The following COL4A4 variants were observed in gnomAD, a reference collection of about 807,000 sequenced individuals.
COL4A4 encodes collagen type IV alpha 4 chain.
Under a neutral mutation model 192.9 loss-of-function variants are expected in COL4A4, and 105 were observed. That is an observed-to-expected ratio of 0.54 (90% confidence interval 0.46 to 0.64). The LOEUF (loss-of-function observed/expected upper bound fraction) is 0.64, where lower values mean the gene tolerates loss of function less well. Among genes scored for constraint, COL4A4 ranks in the 30% least tolerant of loss-of-function variants. The pLI, the probability that COL4A4 is intolerant of heterozygous loss-of-function variation, is 0.00. For missense variants in COL4A4, 1,967 were observed against 2,169.3 expected (o/e 0.91, Z 1.85); for synonymous variants, 762 against 769.9 (o/e 0.99, Z 0.17).
chr2:227,101,682 A>G, intron 16 of COL4A4, 125 bp from the exon 17 acceptor site: 1 of 1,095,798 alleles, frequency 9.1e-7, no homozygotes, highest in Middle Eastern at 2.0e-4. Context: ...ACTGTTCATC[A>G]GTTGCATCAG....
intron 37 of COL4A4, among the ~76,000 whole-genome samples, chr2:227,038,647 TA>T (rs1970191085): frequency 6.6e-6 from 1 of 152,214 alleles, no homozygotes. Context: ...AGCATATGTT[TA>T]AGTTAAAGTT....
intron 1 of COL4A4, among the ~76,000 whole-genome samples, chr2:227,163,391 C>T (rs955318556): frequency 1.3e-5 from 2 of 152,242 alleles, no homozygotes; most frequent in African/African-American, 4.8e-5. Flanking sequence ...CTATTTAATG[C>T]AATAATGATG....
intron 22 of COL4A4, among the ~76,000 whole-genome samples, chr2:227,082,507 ACTGGGGAAG>A (rs1476367136): frequency 6.6e-6 from 1 of 152,224 alleles, no homozygotes; most frequent in Non-Finnish European, 1.5e-5. Context: ...TGTATGTATC[ACTGGGGAAG>A]CTGGGGAAGC....
At chr2:227,075,754 C>T (rs775731555) in intron 25 of COL4A4, among the ~76,000 whole-genome samples, 2 of 152,066 alleles carry the variant, frequency 1.3e-5, no homozygotes, top group Non-Finnish European at 2.9e-5. Flanking sequence ...CGTCTCAGCC[C>T]AAAAACTCCT....
chr2:227,162,624 T>C (rs977315888), intron 1 of COL4A4, among the ~76,000 whole-genome samples: 5 of 152,222 alleles, frequency 3.3e-5, no homozygotes, highest in African/African-American at 1.2e-4. Flanking sequence ...ATGAAGAGTT[T>C]AATATATGTG....
At chr2:227,041,856 A>AAGAGAGAGAGAGAGAGAGAGAG (rs1237060194) in intron 37 of COL4A4, among the ~76,000 whole-genome samples, 2 of 96,976 alleles carry the variant, frequency 2.1e-5, no homozygotes, top group Admixed American at 1.9e-4. Context: ...AAGAGAAAGA[A>AAGAGAGAGAGAGAGAGAGAGAG]AGAAAGAAAG....
At chr2:227,126,660 AT>A (rs1470067991) in intron 4 of COL4A4, among the ~76,000 whole-genome samples, 1 of 152,202 alleles carries the variant, frequency 6.6e-6, no homozygotes, top group African/African-American at 2.4e-5. Context: ...TACATGATAA[AT>A]TTTTAAAGGA....
chr2:227,070,429 T>G (rs761473663), intron 25 of COL4A4, among the ~76,000 whole-genome samples: 11 of 152,076 alleles, frequency 7.2e-5, no homozygotes, highest in Admixed American at 2.0e-4. Context: ...CGTATGTTTA[T>G]TGCGGCATTA....
In COL4A4 at chr2:227,006,834, T is replaced by C. The variant is rs149466995; in HGVS notation, c.*491A>G. The C allele has an allele frequency of 2.6e-3, 411 of 160,034 alleles. 5 individuals are homozygous for C. Among genetic ancestry groups the C allele is most frequent in the African/African-American group, 8.9e-3 (370 of 41,552 alleles). The allele number at this position is 160,034 out of a possible 1,614,324, so 9.9% of individuals were successfully genotyped here. On this transcript the variant is annotated 3_prime_UTR_variant, in exon 48 of 48. Transcript: ENST00000396625. Reference sequence around the variant, plus strand: ...CCATTATTTAAAGTATATGGAAAAATAGATTACAGAGGAAATCATTTTGAA... The same window carrying C: ...CCATTATTTAAAGTATATGGAAAAACAGATTACAGAGGAAATCATTTTGAA...
At chr2:227,070,733 G>T (rs1251991267) in intron 25 of COL4A4, among the ~76,000 whole-genome samples, 16 of 131,070 alleles carry the variant, frequency 1.2e-4, no homozygotes, top group Non-Finnish European at 2.3e-4. Flanking sequence ...GTGGGGGGAG[G>T]GGGGAGGGGG....
chr2:227,154,760 T>A (rs983624130), intron 1 of COL4A4, among the ~76,000 whole-genome samples: 1 of 152,232 alleles, frequency 6.6e-6, no homozygotes, highest in Non-Finnish European at 1.5e-5. Flanking sequence ...TCAGAGGTCA[T>A]GAAAGTGTTC....
chr2:227,046,023 TATATATGTATAC>T (rs988269064), intron 35 of COL4A4, among the ~76,000 whole-genome samples: 2 of 64,044 alleles, frequency 3.1e-5, no homozygotes, highest in African/African-American at 1.3e-4. Flanking sequence ...AGTATATATG[TATATATGTATAC>T]ATATATACAT....
In COL4A4 at chr2:227,123,585, G is replaced by A. The variant is rs2061923797; in HGVS notation, c.193-2437C>T. On this transcript the variant is annotated intron_variant, in intron 4 of 47. Coordinates refer to ENST00000396625, the MANE Select transcript of COL4A4 (RefSeq NM_000092.5). This position sits in a 1 kb window ranked among gnomAD's most constrained non-coding sequence, Gnocchi z 4.6. Reference sequence around the variant, plus strand: ...GGAGCCCACATCTCAGTGTTATCCCGCCCTAGGGGAAGGGAGTGGGGGTAT... The same window carrying A: ...GGAGCCCACATCTCAGTGTTATCCCACCCTAGGGGAAGGGAGTGGGGGTAT... 6.6e-6 allele frequency among the ~76,000 whole-genome samples: 1 copy of A among 152,184 alleles called. No individual in the cohort carries two copies. Among genetic ancestry groups the A allele is most frequent in the South Asian group, 2.1e-4 (1 of 4,830 alleles).
chr2:227,051,584 TTGGG>T lies in COL4A4; in HGVS notation c.2969-430_2969-427del, dbSNP rs769762278. Among the ~76,000 whole-genome samples the T allele has an allele frequency of 3.7e-3, 560 of 152,288 alleles. 3 individuals carry two copies. Among genetic ancestry groups the T allele is most frequent in the Non-Finnish European group, 6.6e-3 (452 of 68,026 alleles). ...TTTCTGTGGACCATTAGCATGGGCA[TTGGG>T]GTGTCTGTTAGAAAGGCAGGATACC... On this transcript the variant is annotated intron_variant, in intron 32 of 47. Transcript: ENST00000396625.
intron 20 of COL4A4, among the ~76,000 whole-genome samples, chr2:227,091,918 G>GA (rs1559600432): frequency 7.0e-6 from 1 of 143,094 alleles, no homozygotes; most frequent in Non-Finnish European, 1.5e-5. Flanking sequence ...AAGAAAGAAA[G>GA]AAAGAAAGAA....
chr2:227,057,014 G>GAATAC (rs1975533824), intron 29 of COL4A4, among the ~76,000 whole-genome samples: 1 of 152,182 alleles, frequency 6.6e-6, no homozygotes, highest in South Asian at 2.1e-4. Context: ...CACTCCAGGG[G>GAATAC]TCTCTTGTGT....
chr2:226,973,769 T>C, the COL4A4 span, among the ~76,000 whole-genome samples: 3 of 152,226 alleles, frequency 2.0e-5, no homozygotes, highest in Non-Finnish European at 4.4e-5. Context: ...ACCTGCCTCC[T>C]TCACTAGCAG....
the COL4A4 span, among the ~76,000 whole-genome samples, chr2:226,982,156 G>T: frequency 1.3e-5 from 2 of 152,248 alleles, no homozygotes; most frequent in Non-Finnish European, 2.9e-5. Context: ...GGGCTGGGAG[G>T]TTCCCAGTGA....
the COL4A4 span, among the ~76,000 whole-genome samples, chr2:226,974,014 C>T: frequency 1.3e-5 from 2 of 152,302 alleles, no homozygotes; most frequent in African/African-American, 4.8e-5. Flanking sequence ...CCCTCACCGC[C>T]TTTCCACATG....
Sources: gnomAD v4.1 joint callset for allele counts (sites outside exome capture counted in the v4.1 genomes callset) on GRCh38, gnomAD v4.1.1 for gene constraint, Gnocchi (gnomAD v3.1) non-coding constraint, MANE v1.5 for transcripts, NCBI Gene and HGNC (gene_info 2026-07-23, HGNC 2026-07-21) for gene names.